The following DLX4 variants were observed in gnomAD, a reference collection of about 807,000 sequenced individuals.
DLX4 encodes the protein homeobox protein DLX-4.
DLX4 carries 13 observed loss-of-function variants against 17.1 expected under a neutral mutation model. The observed-to-expected ratio is 0.76, with a 90% CI of 0.49 to 1.21. DLX4 has a LOEUF of 1.21. Among genes scored for constraint, DLX4 ranks in the 50% most tolerant of loss-of-function variants. DLX4 has a pLI of 0.00. For missense variants in DLX4, 297 were observed against 301.4 expected (o/e 0.99, Z 0.11); for synonymous variants, 129 against 140.3 (o/e 0.92, Z 0.57).
Position 49,973,804 on chromosome 17 carries a change from C to T in DLX4, c.584C>T (p.Ser195Phe), listed in dbSNP as rs1905614670. 2 of 1,603,742 alleles carry T rather than the reference C, an allele frequency of 1.2e-6. No homozygotes were observed. Among genetic ancestry groups the T allele is most frequent in the African/African-American group, 2.7e-5 (2 of 74,534 alleles). ...GDFPGRTFSVSPCSPPLPSLW... is the reference protein window; with the variant it reads ...GDFPGRTFSVFPCSPPLPSLW... ...TTCCCTGGGAGGACCTTCTCTGTGT[C>T]TCCCTGCTCCCCACCCCTCCCCTCC... Residue 195 changes from serine to phenylalanine, a missense_variant, in exon 3 of 3, where the codon TCT becomes TTT. Transcript: ENST00000240306.
Position 49,972,658 on chromosome 17 carries a change from G to A in DLX4, c.284-415G>A, listed in dbSNP as rs1905549945. ...ATTGCTCTGAGCCTCTGCCTGCAAT[G>A]TCCTTCCTCTGTCATCTCTAGGCCT... On this transcript the variant is annotated intron_variant, in intron 1 of 2. Transcript: ENST00000240306. The surrounding 1 kb of genome is among the most constrained non-coding windows in gnomAD (Gnocchi z 5.4). 3 of 1,028,524 alleles carry A rather than the reference G, an allele frequency of 2.9e-6. No individual in the cohort carries two copies. The highest frequency in any genetic ancestry group is 3.7e-6 in the Non-Finnish European group (3 of 821,590). 63.7% of individuals were successfully genotyped at this position (1,028,524 alleles called of 1,614,324 possible).
intron 1 of DLX4, among the ~76,000 whole-genome samples, chr17:49,970,307 C>T (rs1469512252): frequency 6.6e-6 from 1 of 152,208 alleles, no homozygotes; most frequent in Non-Finnish European, 1.5e-5. Flanking sequence ...TCAGACCAGG[C>T]CTGACCTTGA....
intron 2 of DLX4, 126 bp downstream of exon 2, chr17:49,973,395 A>G (rs372168267): frequency 5.8e-6 from 8 of 1,379,016 alleles, no homozygotes; most frequent in African/African-American, 2.9e-5. Flanking sequence ...TTCTCCAGGG[A>G]ATGTTCATAG....
rs775794121 is a variant in DLX4, at chr17:49,973,899, CA to C, written c.680del (p.Gln227ArgfsTer13). The C allele has an allele frequency of 8.1e-6, 13 of 1,611,726 alleles. No homozygotes were observed. Among genetic ancestry groups the C allele is most frequent in the African/African-American group, 1.3e-5 (1 of 74,856 alleles). On this transcript the variant is annotated frameshift_variant, in exon 3 of 3. Transcript: ENST00000240306. LOFTEE classifies it high-confidence loss of function. ...TGGCAACAGCTTTGGAGCCTGGTAT[CA>C]GCATCACTCCTCAGATGTCCTGGCT... ...GYGNSFGAWY[Q>X]HHSSDVLASP...
At position 49,969,411 on chromosome 17, in the gene DLX4, G is replaced by A. The variant is rs58769681; in HGVS notation, c.-58G>A. 0.2 allele frequency: 297,624 copies of A among 1,464,682 alleles called. 31,032 individuals are homozygous for A. Among genetic ancestry groups the A allele is most frequent in the East Asian group, 0.28 (10,922 of 39,492 alleles). The allele number at this position is 1,464,682 out of a possible 1,614,324, so 90.7% of individuals were successfully genotyped here. A position where few individuals can be genotyped will look rare whatever the true frequency, so the allele number is the denominator to read the frequency against. Reference sequence around the variant, plus strand: ...CGCCGGAGGCTTGGAAAAGAGAGTTGGCAGCGGGAGCGGACTACGTGCCGG... The same window carrying A: ...CGCCGGAGGCTTGGAAAAGAGAGTTAGCAGCGGGAGCGGACTACGTGCCGG... On this transcript the variant is annotated 5_prime_UTR_variant, in exon 1 of 3. Coordinates refer to ENST00000240306, the MANE Select transcript of DLX4 (RefSeq NM_138281.3).
At position 49,972,776 on chromosome 17, in the gene DLX4, C is replaced by G. The variant is rs1228710617; in HGVS notation, c.284-297C>G. On this transcript the variant is annotated intron_variant, in intron 1 of 2. Transcript: ENST00000240306. This position sits in a 1 kb window ranked among gnomAD's most constrained non-coding sequence, Gnocchi z 5.4. ...AACTCCGACCTCCCACCGCAGGCGC[C>G]GCGGTACCCTGGCTGTGGCCCTCGG... is the stretch of plus-strand genomic sequence containing the variant. 5 of 1,388,396 alleles carry G rather than the reference C, an allele frequency of 3.6e-6. No homozygotes were observed. In the Admixed American group the frequency reaches 1.4e-4, roughly 38 times the overall value. The allele number at this position is 1,388,396 out of a possible 1,614,324, so 86.0% of individuals were successfully genotyped here.
chr17:49,972,986 GACGAGA>G lies in DLX4; in HGVS notation c.284-86_284-81del. The stretch of plus-strand genomic sequence containing the variant: ...TGCTATTTGCTGCCGACGGCATGCA[GACGAGA>G]TGCAAATAAGCTTATGAAACTGTCC... On this transcript the variant is annotated intron_variant, in intron 1 of 2. Transcript: ENST00000240306. This position sits in a 1 kb window ranked among gnomAD's most constrained non-coding sequence, Gnocchi z 5.4. 1.3e-6 allele frequency: 2 copies of G among 1,552,842 alleles called. No individual in the cohort carries two copies. The highest frequency in any genetic ancestry group is 1.9e-5 in the Admixed American group (1 of 53,440).
Position 49,972,759 on chromosome 17 carries a change from C to T in DLX4, c.284-314C>T. 7.2e-7 allele frequency: 1 copy of T among 1,388,964 alleles called. No individual in the cohort carries two copies. The highest frequency in any genetic ancestry group is 9.3e-7 in the Non-Finnish European group (1 of 1,077,844). The allele number at this position is 1,388,964 out of a possible 1,614,324, so 86.0% of individuals were successfully genotyped here. ...GCCACCGCCCGTGGCTGAACTCCGACCTCCCACCGCAGGCGCCGCGGTACC... is the reference window on the plus strand; with the variant it reads ...GCCACCGCCCGTGGCTGAACTCCGATCTCCCACCGCAGGCGCCGCGGTACC... On this transcript the variant is annotated intron_variant, in intron 1 of 2. Coordinates refer to ENST00000240306, the MANE Select transcript of DLX4 (RefSeq NM_138281.3). The surrounding 1 kb of genome is among the most constrained non-coding windows in gnomAD (Gnocchi z 5.4).
intron 1 of DLX4, among the ~76,000 whole-genome samples, chr17:49,970,269 C>T (rs189053089): frequency 7.5e-4 from 115 of 152,362 alleles, no homozygotes; most frequent in Admixed American, 1.6e-3. Flanking sequence ...GCTCTGTCCT[C>T]TCCCTTCCCT....
chr17:49,969,663 C>A lies in DLX4; in HGVS notation c.195C>A (p.Pro65=). 1 of 1,609,774 alleles carries A rather than the reference C, an allele frequency of 6.2e-7. No homozygotes were observed. The change falls in exon 1 of 3, where the codon CCC becomes CCA. Residue 65 remains proline, a synonymous_variant. Transcript: ENST00000240306. ...ACCCCTACACCGAGCCAGCGAACCC[C>A]GGAGACTCCTACCTGTCCTGCCAGC... ...LSYPYTEPAN[P]GDSYLSCQQP... is the part of the protein sequence containing the mutation.
Position 49,972,111 on chromosome 17 carries a change from C to G in DLX4, c.284-962C>G, listed in dbSNP as rs755342963. On this transcript the variant is annotated intron_variant, in intron 1 of 2. Coordinates refer to ENST00000240306, the MANE Select transcript of DLX4 (RefSeq NM_138281.3). The surrounding 1 kb of genome is among the most constrained non-coding windows in gnomAD (Gnocchi z 5.4). ...CCTCTGCAGCGTCCCCGTAGAGCCG[C>G]GCAGGTTAGGGTGGCTGGCTTGGAA... 6.6e-6 allele frequency: 1 copy of G among 152,392 alleles called. No homozygotes were observed. Among genetic ancestry groups the G allele is most frequent in the Admixed American group, 6.5e-5 (1 of 15,290 alleles). 9.4% of individuals were successfully genotyped at this position (152,392 alleles called of 1,614,324 possible).
chr17:49,970,074 C>T (rs548460362), intron 1 of DLX4, among the ~76,000 whole-genome samples: 1 of 152,278 alleles, frequency 6.6e-6, no homozygotes, highest in African/African-American at 2.4e-5. Flanking sequence ...TGAAGCAATC[C>T]AGATGTGGGG....
intron 1 of DLX4, among the ~76,000 whole-genome samples, chr17:49,971,194 G>A (rs973593744): frequency 6.6e-6 from 1 of 152,186 alleles, no homozygotes; most frequent in African/African-American, 2.4e-5. Flanking sequence ...TCTTGTCTGA[G>A]ATCTAAGGAC....
chr17:49,969,663 C>T lies in DLX4; in HGVS notation c.195C>T (p.Pro65=), dbSNP rs370951089. The T allele has an allele frequency of 6.2e-7, 1 of 1,609,774 alleles. No homozygotes were observed. Among genetic ancestry groups the T allele is most frequent in the East Asian group, 2.2e-5 (1 of 44,846 alleles). ...ACCCCTACACCGAGCCAGCGAACCC[C>T]GGAGACTCCTACCTGTCCTGCCAGC... ...LSYPYTEPAN[P]GDSYLSCQQP... is the part of the protein sequence containing the mutation. Residue 65 remains proline, a synonymous_variant, in exon 1 of 3, where the codon CCC becomes CCT. Coordinates refer to ENST00000240306, the MANE Select transcript of DLX4 (RefSeq NM_138281.3).
chr17:49,971,072 T>C (rs1905486333), intron 1 of DLX4, among the ~76,000 whole-genome samples: 1 of 152,162 alleles, frequency 6.6e-6, no homozygotes, highest in Non-Finnish European at 1.5e-5. Context: ...GACTGTCCTT[T>C]AGTGTATGCT....
chr17:49,973,556 TG>T (rs1301494815), intron 2 of DLX4, 144 bp from the exon 3 acceptor site: 2 of 1,139,014 alleles, frequency 1.8e-6, no homozygotes, highest in East Asian at 4.8e-5. Flanking sequence ...CCTGGGGCTG[TG>T]GGGGACTGAA....
chr17:49,971,967 AG>A (rs1905521642), intron 1 of DLX4: 1 of 152,246 alleles, frequency 6.6e-6, no homozygotes, highest in African/African-American at 2.4e-5. Flanking sequence ...GGCGGACAGA[AG>A]CCGCTCTCTC....
rs766294623 is a variant in DLX4 at position 49,973,096 on chromosome 17, C to T, written c.307C>T (p.Pro103Ser). Residue 103 changes from proline to serine, a missense_variant, in exon 2 of 3, where the codon CCG (proline) becomes TCG (serine). Transcript: ENST00000240306. Reference protein sequence around the residue: ...EADSEKPRLSPEPSERRPQAP... With the variant: ...EADSEKPRLSSEPSERRPQAP... ...AGACTCGGAGAAGCCGCGGCTGTCC[C>T]CGGAACCCTCCGAGCGGCGCCCTCA... 10 of 1,613,994 alleles carry T rather than the reference C, an allele frequency of 6.2e-6. No homozygotes were observed. The South Asian group carries it at 1.1e-4, about 18-fold the overall frequency.
In DLX4 at chr17:49,972,910, C is replaced by A; in HGVS notation, c.284-163C>A. 3 of 1,456,908 alleles carry A rather than the reference C, an allele frequency of 2.1e-6. No homozygotes were observed. Among genetic ancestry groups the A allele is most frequent in the Non-Finnish European group, 2.7e-6 (3 of 1,101,590 alleles). 90.2% of individuals were successfully genotyped at this position (1,456,908 alleles called of 1,614,324 possible). On this transcript the variant is annotated intron_variant, in intron 1 of 2. Coordinates refer to ENST00000240306, the MANE Select transcript of DLX4 (RefSeq NM_138281.3). This position sits in a 1 kb window ranked among gnomAD's most constrained non-coding sequence, Gnocchi z 5.4. ...AACGTGGGGGTTGAAACGCTCCACG[C>A]GGAAGGTAGAGGGCAGGGGCCAAGG...
Sources: allele counts gnomAD v4.1 joint callset (sites outside exome capture counted in the v4.1 genomes callset), GRCh38; gene constraint gnomAD v4.1.1; non-coding constraint Gnocchi (gnomAD v3.1); transcripts MANE v1.5; gene names NCBI Gene and HGNC (gene_info 2026-07-23, HGNC 2026-07-21).